The following SPINK14 variants were observed in gnomAD, a reference collection of about 807,000 sequenced individuals.
SPINK14 encodes the protein serine peptidase inhibitor Kazal type 14 (putative), also known as serine protease inhibitor Kazal-type 14.
Under a neutral mutation model 14.2 loss-of-function variants are expected in SPINK14, and 6 were observed. That is an observed-to-expected ratio of 0.42 (90% CI 0.23 to 0.83). The LOEUF is 0.83. Ranked by LOEUF, SPINK14 falls within the 40% of genes least tolerant of loss-of-function variation. The pLI is 0.28. For synonymous variants in SPINK14, 34 were observed against 36.8 expected, an observed-to-expected ratio of 0.92 and a Z score of 0.27; for missense variants, 86 against 108.3, an observed-to-expected ratio of 0.79 and a Z score of 0.91.
intron 1 of SPINK14, 59 bp from the exon 2 acceptor site, chr5:148,169,602 G>T: frequency 1.6e-6 from 1 of 627,808 alleles, no homozygotes; most frequent in Non-Finnish European, 2.8e-6. Context: ...ACAATGGGTG[G>T]AGTAGAGATG....
At position 148,175,094 on chromosome 5, in the gene SPINK14, G is replaced by A. The variant is rs1290877347; in HGVS notation, c.249-259G>A. ...GACATGCCTCACACATCACAAACTC[G>A]GACCTGATTACACAGCTTAATTTCA... is the stretch of plus-strand genomic sequence containing the variant. On this transcript the variant is annotated intron_variant, in intron 4 of 4. Coordinates refer to ENST00000356972, the MANE Select transcript of SPINK14 (RefSeq NM_001001325.2). Among the ~76,000 whole-genome samples, 3 of 35,166 alleles carry A rather than the reference G, an allele frequency of 8.5e-5. 1 individual carries two copies. Among genetic ancestry groups the A allele is most frequent in the Admixed American group, 2.1e-4 (1 of 4,766 alleles). The allele number at this position is 35,166 out of a possible 152,430, so 23.1% of individuals were successfully genotyped here.
At chr5:148,172,671 T>C (rs1755123087) in intron 3 of SPINK14, among the ~76,000 whole-genome samples, 1 of 152,140 alleles carries the variant, frequency 6.6e-6, no homozygotes, top group Non-Finnish European at 1.5e-5. Flanking sequence ...ATTAAAAGTA[T>C]AAAAATAAAT....
At chr5:148,172,740 A>G (rs1755123757) in intron 3 of SPINK14, among the ~76,000 whole-genome samples, 1 of 152,168 alleles carries the variant, frequency 6.6e-6, no homozygotes, top group Non-Finnish European at 1.5e-5. Context: ...TTATAACCTG[A>G]GCTCTAAAGT....
chr5:148,172,566 G>A (rs1755121789), intron 3 of SPINK14, among the ~76,000 whole-genome samples: 1 of 152,098 alleles, frequency 6.6e-6, no homozygotes, highest in African/African-American at 2.4e-5. Context: ...ATAATGACTA[G>A]CCTAATCAGA....
rs1755138535 is a variant in SPINK14, at chr5:148,173,942, G to T, written c.112-292G>T. 2.4e-5 allele frequency among the ~76,000 whole-genome samples: 2 copies of T among 81,908 alleles called. 1 individual carries two copies. Among genetic ancestry groups the T allele is most frequent in the Non-Finnish European group, 5.0e-5 (2 of 40,038 alleles). The allele number at this position is 81,908 out of a possible 152,430, so 53.7% of individuals were successfully genotyped here. A position where few individuals can be genotyped will look rare whatever the true frequency, so the allele number is the denominator to read the frequency against. On this transcript the variant is annotated intron_variant, in intron 3 of 4. Transcript: ENST00000356972. ...CACCATCATTGCTCACTGCAGTCAAGTGATCCTCCTGCCCCATCCTTCTGA... is the reference window on the plus strand; with the variant it reads ...CACCATCATTGCTCACTGCAGTCAATTGATCCTCCTGCCCCATCCTTCTGA...
At chr5:148,169,583 A>G in intron 1 of SPINK14, 78 bp from the exon 2 acceptor site, 1 of 566,580 alleles carries the variant, frequency 1.8e-6, no homozygotes, top group Non-Finnish European at 3.1e-6. Flanking sequence ...AATACATAGT[A>G]CTGAGGATAC....
intron 3 of SPINK14, among the ~76,000 whole-genome samples, chr5:148,172,945 T>C (rs1755126689): frequency 6.6e-6 from 1 of 152,168 alleles, no homozygotes; most frequent in African/African-American, 2.4e-5. Flanking sequence ...ATAGGGACTT[T>C]TAGCCCATAT....
rs1488514471 is a variant in SPINK14, at chr5:148,174,379, T to C, written c.248+9T>C. 1 of 1,107,196 alleles carries C rather than the reference T, an allele frequency of 9.0e-7. No individual in the cohort carries two copies. The highest frequency in any genetic ancestry group is 2.0e-5 in the Admixed American group (1 of 48,876). 68.6% of individuals were successfully genotyped at this position (1,107,196 alleles called of 1,614,324 possible). Reference sequence around the variant, plus strand: ...CTGTGTGTTGAGAGCTTGTGAGTACTATTTGGGGAAAAGAGGGGAACTGTA... The same window carrying C: ...CTGTGTGTTGAGAGCTTGTGAGTACCATTTGGGGAAAAGAGGGGAACTGTA... On this transcript the variant is annotated intron_variant, in intron 4 of 4. Coordinates refer to ENST00000356972, the MANE Select transcript of SPINK14 (RefSeq NM_001001325.2).
At chr5:148,171,052 CTT>C in intron 3 of SPINK14, 79 bp downstream of exon 3, 1 of 1,364,242 alleles carries the variant, frequency 7.3e-7, no homozygotes, top group Non-Finnish European at 1.0e-6. Context: ...ACTGTGGAAA[CTT>C]AATGCCTCAA....
chr5:148,173,768 G>GAT lies in SPINK14; in HGVS notation c.112-458_112-457dup, dbSNP rs1348928090. Reference sequence around the variant, plus strand: ...AGGGCATCATATTGTCACCAAATGGGATATATATAGGTTCTAGTTCCATGG... The same window carrying GAT: ...AGGGCATCATATTGTCACCAAATGGGATATATATATAGGTTCTAGTTCCATGG... On this transcript the variant is annotated intron_variant, in intron 3 of 4. Transcript: ENST00000356972. Among the ~76,000 whole-genome samples the GAT allele has an allele frequency of 2.1e-5, 2 of 95,106 alleles. 1 individual carries two copies. Among genetic ancestry groups the GAT allele is most frequent in the South Asian group, 6.9e-4 (2 of 2,910 alleles). 62.4% of individuals were successfully genotyped at this position (95,106 alleles called of 152,430 possible).
chr5:148,171,052 C>G, intron 3 of SPINK14, 79 bp downstream of exon 3: 1 of 1,364,242 alleles, frequency 7.3e-7, no homozygotes, highest in Non-Finnish European at 1.0e-6. Flanking sequence ...ACTGTGGAAA[C>G]TTAATGCCTC....
chr5:148,169,600 T>A, intron 1 of SPINK14, 61 bp from the exon 2 acceptor site: 1 of 603,162 alleles, frequency 1.7e-6, no homozygotes. Flanking sequence ...ATACAATGGG[T>A]GGAGTAGAGA....
At position 148,173,986 on chromosome 5, in the gene SPINK14, G is replaced by A. The variant is rs529191148; in HGVS notation, c.112-248G>A. The stretch of plus-strand genomic sequence containing the variant: ...CTTCTGAGAAGCTGGGACTGCAGGC[G>A]TGCACCACCATGCCAGGCTAATTAA... On this transcript the variant is annotated intron_variant, in intron 3 of 4. Coordinates refer to ENST00000356972, the MANE Select transcript of SPINK14 (RefSeq NM_001001325.2). Among the ~76,000 whole-genome samples, 6 of 85,628 alleles carry A rather than the reference G, an allele frequency of 7.0e-5. 2 individuals are homozygous for A. The highest frequency in any genetic ancestry group is 5.4e-4 in the East Asian group (2 of 3,698). 56.2% of individuals were successfully genotyped at this position (85,628 alleles called of 152,430 possible).
Position 148,175,414 on chromosome 5 carries a change from T to C in SPINK14, c.*16T>C, listed in dbSNP as rs756910027. The C allele has an allele frequency of 4.4e-6, 7 of 1,577,634 alleles. 1 individual carries two copies. The South Asian group carries it at 6.8e-5, about 15-fold the overall frequency. ...AAAATGTTAGCTGAGTGGACTTGAA[T>C]GTGGAAGATATCTTCTTTTTTTTTT... On this transcript the variant is annotated 3_prime_UTR_variant, in exon 5 of 5. Coordinates refer to ENST00000356972, the MANE Select transcript of SPINK14 (RefSeq NM_001001325.2).
chr5:148,171,412 T>G (rs1755104354), intron 3 of SPINK14, among the ~76,000 whole-genome samples: 1 of 152,280 alleles, frequency 6.6e-6, no homozygotes, highest in South Asian at 2.1e-4. Context: ...TGGATATGGA[T>G]GGAAGAAAAT....
intron 2 of SPINK14, 122 bp from the exon 3 acceptor site, chr5:148,170,808 A>G (rs1376305610): frequency 2.2e-5 from 18 of 820,460 alleles, no homozygotes; most frequent in Non-Finnish European, 3.0e-5. Context: ...TATAAATGAA[A>G]TAATGTTTTC....
At chr5:148,170,458 A>G (rs927185738) in intron 2 of SPINK14, among the ~76,000 whole-genome samples, 6 of 152,098 alleles carry the variant, frequency 3.9e-5, no homozygotes, top group African/African-American at 1.4e-4. Flanking sequence ...TAGAGAAGAA[A>G]TCATGTAGGG....
rs754898043 is a variant in SPINK14 at position 148,174,318 on chromosome 5, G to A, written c.196G>A (p.Gly66Ser). ...PCPGLYQPIC[G>S]TNFITYDNPC... ...CCCTGGCTTATATCAACCCATCTGC[G>A]GCACCAATTTTATAACCTATGATAA... is the stretch of plus-strand genomic sequence containing the variant. The change falls in exon 4 of 5, where the codon GGC becomes AGC. Residue 66 changes from glycine (G) to serine (S), a missense_variant. Physicochemically the swap from Gly to Ser is moderately conservative, Grantham distance 56. Coordinates refer to ENST00000356972, the MANE Select transcript of SPINK14 (RefSeq NM_001001325.2). 1.9e-4 allele frequency: 212 copies of A among 1,113,444 alleles called. 76 individuals are homozygous for A. Among genetic ancestry groups the A allele is most frequent in the Admixed American group, 1.8e-4 (9 of 48,990 alleles). 69.0% of individuals were successfully genotyped at this position (1,113,444 alleles called of 1,614,324 possible).
chr5:148,168,661 C>A (rs1402866223), intron 1 of SPINK14, among the ~76,000 whole-genome samples, 94 bp downstream of exon 1: 1 of 151,908 alleles, frequency 6.6e-6, no homozygotes, highest in Admixed American at 6.6e-5. Flanking sequence ...GTTCCTGTTC[C>A]ATTTCTGGAG....
Sources: gnomAD v4.1 joint callset for allele counts (sites outside exome capture counted in the v4.1 genomes callset) on GRCh38, gnomAD v4.1.1 for gene constraint, MANE v1.5 for transcripts, NCBI Gene and HGNC (gene_info 2026-07-23, HGNC 2026-07-21) for gene names.